STXBP2: variants seen among roughly 807,000 people sequenced by gnomAD.
STXBP2 encodes syntaxin binding protein 2.
A neutral mutation model predicts 72.2 loss-of-function variants in STXBP2; 47 were observed. The observed-to-expected ratio is 0.65, with a 90% CI of 0.51 to 0.83. The LOEUF (loss-of-function observed/expected upper bound fraction) is 0.83. STXBP2 is among the 40% of genes least tolerant of loss of function. STXBP2 has a pLI of 0.00. For synonymous variants in STXBP2, 367 were observed against 338.7 expected, an observed-to-expected ratio of 1.08 and a Z score of -0.92; for missense variants, 702 against 807.6, an observed-to-expected ratio of 0.87 and a Z score of 1.58.
At chr19:7,639,547 T>G (rs2146207575) in intron 3 of STXBP2, 184 bp from the exon 4 acceptor site, 1 of 656,090 alleles carries the variant, frequency 1.5e-6, no homozygotes, top group Non-Finnish European at 2.7e-6. Flanking sequence ...CCCAGTTGGC[T>G]GCACAACCCC....
At position 7,642,937 on chromosome 19, in the gene STXBP2, C is replaced by T. The variant is rs747187630; in HGVS notation, c.961-46C>T. Reference sequence around the variant, plus strand: ...GGACTGAGACCCAGGTGGGCACTGCCTGGCTTCGCCCCCCAATCCCTACCC... The same window carrying T: ...GGACTGAGACCCAGGTGGGCACTGCTTGGCTTCGCCCCCCAATCCCTACCC... On this transcript the variant is annotated intron_variant, in intron 11 of 18. Coordinates refer to ENST00000221283, the MANE Select transcript of STXBP2 (RefSeq NM_006949.4). This position sits in a 1 kb window ranked among gnomAD's most constrained non-coding sequence, Gnocchi z 6.0. The T allele has an allele frequency of 5.0e-6, 8 of 1,613,390 alleles. No individual in the cohort carries two copies. In the African/African-American group the frequency reaches 8.0e-5, roughly 16 times the overall value.
chr19:7,630,464 C>G, the STXBP2 span: 1 of 855,048 alleles, frequency 1.2e-6, no homozygotes. Context: ...TTGGGTCGGC[C>G]GTAACGAGGC....
chr19:7,646,094 G>A (rs756117322), intron 15 of STXBP2, 155 bp from the exon 16 acceptor site: 113 of 636,636 alleles, frequency 1.8e-4, no homozygotes, highest in Middle Eastern at 4.2e-4. Context: ...TCTCTCTCTC[G>A]CTTTCTTGCT....
upstream of STXBP2, chr19:7,632,512 C>T (rs151036756): frequency 1.1e-5 from 18 of 1,613,050 alleles, no homozygotes; most frequent in Admixed American, 3.3e-5. The surrounding 1 kb of genome is among the most constrained non-coding windows in gnomAD (Gnocchi z 5.2). Flanking sequence ...GGGGTGGGGT[C>T]GCTCTCTGCG....
chr19:7,640,375 T>TGC lies in STXBP2; in HGVS notation c.247-353_247-352dup, dbSNP rs769214459. Reference sequence around the variant, plus strand: ...CTGTGCATGTGTGTATGCGTGTGTGTGCGCATCAGTGTCTGCATGTGTGTA... The same window carrying TGC: ...CTGTGCATGTGTGTATGCGTGTGTGTGCGCGCATCAGTGTCTGCATGTGTGTA... On this transcript the variant is annotated intron_variant, in intron 4 of 18. Transcript: ENST00000221283. The TGC allele has an allele frequency of 1.4e-5, 8 of 575,268 alleles. No individual in the cohort carries two copies. The Admixed American group carries it at 1.4e-4, about 10-fold the overall frequency. 35.6% of individuals were successfully genotyped at this position (575,268 alleles called of 1,614,324 possible).
upstream of STXBP2, among the ~76,000 whole-genome samples, chr19:7,634,213 A>G (rs1054558223): frequency 6.6e-5 from 10 of 152,100 alleles, no homozygotes; most frequent in African/African-American, 1.9e-4. Context: ...AGGCGGGGAG[A>G]GGACGTCCCT....
chr19:7,645,372 G>T, intron 15 of STXBP2, 66 bp downstream of exon 15: 2 of 1,458,326 alleles, frequency 1.4e-6, no homozygotes, highest in South Asian at 2.5e-5. Flanking sequence ...GGCTCTGCAA[G>T]GCAGAGGGCC....
chr19:7,633,497 C>T (rs530372264), upstream of STXBP2: 59 of 1,552,978 alleles, frequency 3.8e-5, no homozygotes, highest in East Asian at 5.3e-4. Context: ...GCCTCTGCCC[C>T]GGCCCAGTGC....
At chr19:7,643,396 G>A in intron 13 of STXBP2, 151 bp downstream of exon 13, 1 of 803,302 alleles carries the variant, frequency 1.2e-6, no homozygotes. Flanking sequence ...ACCTGGTGGG[G>A]AAGGAGTGGG....
At chr19:7,630,077 G>C in the STXBP2 span, 4 of 561,814 alleles carry the variant, frequency 7.1e-6, no homozygotes, top group Non-Finnish European at 1.2e-5. Context: ...GCTGTGAGAG[G>C]GCTGGTCCGA....
rs758354978 is a variant in STXBP2 at position 7,640,325 on chromosome 19, CGT to C, written c.247-401_247-400del. ...ATGTATGTGTGTGCATCTGTGTGTG[CGT>C]GTGTATGCGTGTGTGTATGCGTCTG... is the stretch of plus-strand genomic sequence containing the variant. On this transcript the variant is annotated intron_variant, in intron 4 of 18. Transcript: ENST00000221283. 69 of 464,960 alleles carry C rather than the reference CGT, an allele frequency of 1.5e-4. 1 individual carries two copies. Among genetic ancestry groups the C allele is most frequent in the South Asian group, 7.8e-4 (47 of 60,066 alleles). 28.8% of individuals were successfully genotyped at this position (464,960 alleles called of 1,614,324 possible). A position where few individuals can be genotyped will look rare whatever the true frequency, so the allele number is the denominator to read the frequency against.
Position 7,642,363 on chromosome 19 carries a change from T to A in STXBP2, c.794+30T>A, listed in dbSNP as rs1184044179. On this transcript the variant is annotated intron_variant, in intron 9 of 18. Coordinates refer to ENST00000221283, the MANE Select transcript of STXBP2 (RefSeq NM_006949.4). The surrounding 1 kb of genome is among the most constrained non-coding windows in gnomAD (Gnocchi z 6.0). ...GCAGACTTGGAACCCGTCCCCACCC[T>A]TGCCACTGACCTGGTTCCCCAGTCC... The A allele has an allele frequency of 6.2e-7, 1 of 1,613,126 alleles. No individual in the cohort carries two copies. Among genetic ancestry groups the A allele is most frequent in the Non-Finnish European group, 8.5e-7 (1 of 1,179,254 alleles).
chr19:7,640,401 T>G, intron 4 of STXBP2: 1 of 586,940 alleles, frequency 1.7e-6, no homozygotes, highest in Non-Finnish European at 3.1e-6. Context: ...CATGTGTGTA[T>G]ATGTGTGTAT....
At chr19:7,633,389 G>T (rs181742013), upstream of STXBP2, 7,039 of 1,562,884 alleles carry the variant, frequency 4.5e-3, 21 homozygotes, top group Non-Finnish European at 5.5e-3. Context: ...GGGTGGGGTG[G>T]GGGCAGGGCC....
At position 7,645,246 on chromosome 19, in the gene STXBP2, G is replaced by T; in HGVS notation, c.1296G>T (p.Gln432His). ...AGCTGATCCAGCATGCCAATGTACA[G>T]GCGCACAGCAGCCTCATCCGTAACC... ...LAKLIQHANV[Q>H]AHSSLIRNLE... The change falls in exon 15 of 19, where the codon CAG (glutamine) becomes CAT (histidine). Residue 432 changes from glutamine to histidine, a missense_variant. Coordinates refer to ENST00000221283, the MANE Select transcript of STXBP2 (RefSeq NM_006949.4). 1.9e-6 allele frequency: 3 copies of T among 1,582,154 alleles called. No homozygotes were observed. Among genetic ancestry groups the T allele is most frequent in the Non-Finnish European group, 8.6e-7 (1 of 1,163,050 alleles).
chr19:7,640,176 CTGT>C (rs2031766084), intron 4 of STXBP2: 2 of 406,922 alleles, frequency 4.9e-6, no homozygotes, highest in Non-Finnish European at 9.7e-6. Context: ...GTGTGTGCGT[CTGT>C]CTGTGTGCAT....
chr19:7,641,843 C>G lies in STXBP2; in HGVS notation c.568C>G (p.Arg190Gly). 1 of 1,554,924 alleles carries G rather than the reference C, an allele frequency of 6.4e-7. No homozygotes were observed. Residue 190 changes from arginine to glycine, a missense_variant, in exon 7 of 19, where the codon CGC (arginine) becomes GGC (glycine). Arg to Gly is a moderately radical substitution (Grantham distance 125, BLOSUM62 -2). Transcript: ENST00000221283. ...CATLQEYPAI[R>G]YRKGPEDTAQ... is the part of the protein sequence containing the mutation. Reference sequence around the variant, plus strand: ...CACCCTGCAGGAGTACCCGGCCATCCGCTACCGCAAGTGGGGACCCCACCC... The same window carrying G: ...CACCCTGCAGGAGTACCCGGCCATCGGCTACCGCAAGTGGGGACCCCACCC...
At chr19:7,644,962 C>A in intron 14 of STXBP2, 1 of 1,447,478 alleles carries the variant, frequency 6.9e-7, no homozygotes, top group Non-Finnish European at 9.1e-7. Context: ...ACGTAGAAAC[C>A]CTCACATCTG....
At chr19:7,645,361 G>C in intron 15 of STXBP2, 55 bp downstream of exon 15, 1 of 1,516,430 alleles carries the variant, frequency 6.6e-7, no homozygotes, top group East Asian at 2.4e-5. Context: ...ATCACAGCCG[G>C]GGCTCTGCAA....
Sources: allele counts gnomAD v4.1 joint callset (sites outside exome capture counted in the v4.1 genomes callset), GRCh38; gene constraint gnomAD v4.1.1; non-coding constraint Gnocchi (gnomAD v3.1); transcripts MANE v1.5; gene names NCBI Gene and HGNC (gene_info 2026-07-23, HGNC 2026-07-21).